Variants in VWDE observed in about 807,000 individuals in gnomAD.
The protein encoded by VWDE is von Willebrand factor D and EGF domains.
Under a neutral mutation model 178.4 loss-of-function variants are expected in VWDE, and 207 were observed. That is an observed-to-expected ratio of 1.16 (90% CI 1.04 to 1.30). The LOEUF is 1.30. Among genes scored for constraint, VWDE ranks in the 50% most tolerant of loss-of-function variants. The pLI is 0.00. For missense variants in VWDE, 2,287 were observed against 1,901.3 expected (o/e 1.20, Z -3.77); for synonymous variants, 738 against 651.4 (o/e 1.13, Z -2.02).
chr7:12,333,298 A>T (rs1273652102), intron 28 of VWDE, among the ~76,000 whole-genome samples, 167 bp downstream of exon 28: 1 of 152,116 alleles, frequency 6.6e-6, no homozygotes, highest in Non-Finnish European at 1.5e-5. Flanking sequence ...TTATATAATA[A>T]CTCTACCAAA....
At chr7:12,351,026 C>G (rs999528712) in intron 19 of VWDE, among the ~76,000 whole-genome samples, 1 of 152,066 alleles carries the variant, frequency 6.6e-6, no homozygotes, top group Non-Finnish European at 1.5e-5. Context: ...ATAAGAAAGT[C>G]AAGACACATT....
At chr7:12,333,255 T>C (rs554108955) in intron 28 of VWDE, among the ~76,000 whole-genome samples, 1 of 152,304 alleles carries the variant, frequency 6.6e-6, no homozygotes, top group South Asian at 2.1e-4. Context: ...GTTGTATCTA[T>C]ACATTGAAAT....
At chr7:12,380,870 T>C (rs1468181732) in intron 4 of VWDE, 137 bp from the exon 5 acceptor site, 1 of 1,071,820 alleles carries the variant, frequency 9.3e-7, no homozygotes, top group African/African-American at 1.6e-5. Flanking sequence ...TGATTATTTC[T>C]AGCAATCAAC....
At chr7:12,400,150 C>T (rs1784834074) in intron 1 of VWDE, among the ~76,000 whole-genome samples, 1 of 151,840 alleles carries the variant, frequency 6.6e-6, no homozygotes, top group African/African-American at 2.4e-5. Context: ...TAACCTTGCA[C>T]CTTAAGACAC....
intron 3 of VWDE, 137 bp from the exon 4 acceptor site, chr7:12,383,738 AT>A: frequency 8.2e-6 from 6 of 733,426 alleles, no homozygotes; most frequent in Non-Finnish European, 6.4e-6. Context: ...ATTTCATAAC[AT>A]TTTTTTCCTT....
chr7:12,349,117 C>T (rs1781780602), intron 19 of VWDE, among the ~76,000 whole-genome samples: 1 of 152,060 alleles, frequency 6.6e-6, no homozygotes. Context: ...GGGAGATATA[C>T]TTAATGCTAG....
At chr7:12,366,829 A>G (rs1421625162) in intron 13 of VWDE, among the ~76,000 whole-genome samples, 1 of 152,124 alleles carries the variant, frequency 6.6e-6, no homozygotes, top group East Asian at 1.9e-4. Context: ...ATAATCATCA[A>G]AAATAAGGTA....
intron 23 of VWDE, among the ~76,000 whole-genome samples, chr7:12,341,133 T>C (rs1018586125): frequency 2.0e-5 from 3 of 151,920 alleles, no homozygotes; most frequent in African/African-American, 7.3e-5. Flanking sequence ...TAGTCTTTTT[T>C]ATAATTTTAT....
chr7:12,366,383 T>C (rs1782861542), intron 13 of VWDE, among the ~76,000 whole-genome samples: 1 of 151,708 alleles, frequency 6.6e-6, no homozygotes, highest in Non-Finnish European at 1.5e-5. Context: ...AGAATATAAA[T>C]CTACAAAATT....
Position 12,340,353 on chromosome 7 carries a change from T to A in VWDE, c.4335A>T (p.Pro1445=). 6.4e-7 allele frequency: 1 copy of A among 1,551,482 alleles called. No individual in the cohort carries two copies. Among genetic ancestry groups the A allele is most frequent in the Middle Eastern group, 1.7e-4 (1 of 5,992 alleles). The change falls in exon 24 of 29, where the codon CCA becomes CCT. Residue 1445 remains proline (P), a synonymous_variant. Coordinates refer to ENST00000275358, the MANE Select transcript of VWDE (RefSeq NM_001135924.3). Reference sequence around the variant, plus strand: ...GACAGTGTTCCCCAAAGAATCCATTTGGACAGAGGCAAGTATTTGGCTTAT... The same window carrying A: ...GACAGTGTTCCCCAAAGAATCCATTAGGACAGAGGCAAGTATTTGGCTTAT... ...SCNKPNTCLC[P]NGFFGEHCQN...
At chr7:12,334,927 T>C (rs745632885) in intron 27 of VWDE, among the ~76,000 whole-genome samples, 2 of 152,236 alleles carry the variant, frequency 1.3e-5, no homozygotes, top group Non-Finnish European at 2.9e-5. Context: ...TATTTGAGCA[T>C]ACATATCTTA....
chr7:12,355,192 G>A (rs1342114030), intron 18 of VWDE, among the ~76,000 whole-genome samples: 3 of 152,012 alleles, frequency 2.0e-5, no homozygotes, highest in South Asian at 2.1e-4. Flanking sequence ...TGAGATGGGC[G>A]GATCACGAGG....
chr7:12,400,850 T>C (rs1034349816), intron 1 of VWDE, among the ~76,000 whole-genome samples: 35 of 151,998 alleles, frequency 2.3e-4, no homozygotes, highest in Non-Finnish European at 1.9e-4. Flanking sequence ...AAAGCATACA[T>C]ATAGAAAAAT....
chr7:12,365,691 A>T (rs1178866950), intron 13 of VWDE, among the ~76,000 whole-genome samples: 9 of 152,084 alleles, frequency 5.9e-5, no homozygotes, highest in Non-Finnish European at 1.2e-4. Flanking sequence ...GGATCCTAAA[A>T]TAGTGGCACA....
intron 16 of VWDE, among the ~76,000 whole-genome samples, chr7:12,358,433 T>C (rs1782391710): frequency 6.6e-6 from 1 of 151,842 alleles, no homozygotes. Context: ...TTTACACTCA[T>C]GAAACAACTG....
intron 22 of VWDE, 61 bp from the exon 23 acceptor site, chr7:12,342,215 AT>A: frequency 7.4e-7 from 1 of 1,347,044 alleles, no homozygotes; most frequent in Non-Finnish European, 1.0e-6. Context: ...ATTGTTGGTT[AT>A]TATCTAGCTA....
rs1376764611 is a variant in VWDE, at chr7:12,367,634, T to G, written c.2762-141A>C. 1.1e-5 allele frequency: 7 copies of G among 623,358 alleles called. No individual in the cohort carries two copies. In the East Asian group the frequency reaches 2.2e-4, roughly 20 times the overall value. The allele number at this position is 623,358 out of a possible 1,614,324, so 38.6% of individuals were successfully genotyped here. On this transcript the variant is annotated intron_variant, in intron 12 of 28. Transcript: ENST00000275358. ...CTAAAATGCTGCTTACAACACTAAT[T>G]AAGCCATTAAATGTTAAGAGTAATC... is the stretch of plus-strand genomic sequence containing the variant.
intron 1 of VWDE, among the ~76,000 whole-genome samples, chr7:12,394,548 T>C (rs906404253): frequency 6.6e-6 from 1 of 152,080 alleles, no homozygotes; most frequent in African/African-American, 2.4e-5. Flanking sequence ...TTTCCAGCAC[T>C]AAAAGTGGAC....
rs1361936414 is a variant in VWDE, at chr7:12,357,384, C to T, written c.3406G>A (p.Glu1136Lys). The change falls in exon 17 of 29, where the codon GAA becomes AAA. Residue 1136 changes from glutamate to lysine, a missense_variant. Glu to Lys is a moderately conservative substitution (Grantham distance 56). Transcript: ENST00000275358. ...CCTGCAGAGGAAACACTTGCCCCTT[C>T]AGGACCAGAGTCCAACGTAAAATGG... ...DIHFTLDSGPEGASVSSAGLF... is the reference protein window; with the variant it reads ...DIHFTLDSGPKGASVSSAGLF... The T allele has an allele frequency of 1.3e-6, 2 of 1,551,842 alleles. No individual in the cohort carries two copies. The highest frequency in any genetic ancestry group is 1.7e-6 in the Non-Finnish European group (2 of 1,147,060).
Sources: gnomAD v4.1 joint callset for allele counts (sites outside exome capture counted in the v4.1 genomes callset) on GRCh38, gnomAD v4.1.1 for gene constraint, MANE v1.5 for transcripts, NCBI Gene and HGNC (gene_info 2026-07-23, HGNC 2026-07-21) for gene names.